The following IMMP2L variants were observed in gnomAD, a reference collection of about 807,000 sequenced individuals.
IMMP2L encodes the protein mitochondrial inner membrane protease subunit 2.
IMMP2L carries 18 observed loss-of-function variants against 19.3 expected under a neutral mutation model. The ratio of observed to expected loss-of-function variants is 0.93; its 90% CI spans 0.64 to 1.38. The LOEUF (loss-of-function observed/expected upper bound fraction) is 1.38. IMMP2L is among the 40% of genes most tolerant of loss of function. The pLI is 0.00. For missense variants in IMMP2L, 233 were observed against 218.2 expected (o/e 1.07, Z -0.43); for synonymous variants, 76 against 73.0 (o/e 1.04, Z -0.21).
chr7:111,048,268 A>G (rs1431294598), intron 3 of IMMP2L, among the ~76,000 whole-genome samples: 1 of 146,928 alleles, frequency 6.8e-6, no homozygotes, highest in African/African-American at 2.6e-5. Context: ...AAAAAAAAGA[A>G]AAAAAGAAAA....
At chr7:110,850,708 A>G (rs896839534) in intron 5 of IMMP2L, among the ~76,000 whole-genome samples, 2 of 146,132 alleles carry the variant, frequency 1.4e-5, no homozygotes, top group East Asian at 2.0e-4. Flanking sequence ...AATTCTTAGT[A>G]AAAAAAAAAA....
At chr7:110,705,682 A>G (rs1451753339) in intron 5 of IMMP2L, among the ~76,000 whole-genome samples, 2 of 152,100 alleles carry the variant, frequency 1.3e-5, no homozygotes, top group Non-Finnish European at 2.9e-5. Context: ...TGTCACCCAG[A>G]TAACACTATC....
chr7:110,905,785 G>A (rs903557588), intron 4 of IMMP2L, among the ~76,000 whole-genome samples: 9 of 152,038 alleles, frequency 5.9e-5, no homozygotes, highest in African/African-American at 2.2e-4. Context: ...ATAGTTGTCA[G>A]CTTGATTTTT....
intron 3 of IMMP2L, among the ~76,000 whole-genome samples, chr7:111,228,097 T>C (rs1342997100): frequency 6.6e-6 from 1 of 152,070 alleles, no homozygotes; most frequent in Non-Finnish European, 1.5e-5. Flanking sequence ...AACCAAGAAT[T>C]CCCTCATTAA....
At chr7:111,321,156 A>G (rs748086937) in intron 3 of IMMP2L, among the ~76,000 whole-genome samples, 1 of 152,032 alleles carries the variant, frequency 6.6e-6, no homozygotes, top group Non-Finnish European at 1.5e-5. Context: ...AGGAAAGTCA[A>G]TTGATCAAGA....
At chr7:111,461,712 G>A (rs1253764244) in intron 3 of IMMP2L, among the ~76,000 whole-genome samples, 2 of 152,152 alleles carry the variant, frequency 1.3e-5, no homozygotes, top group African/African-American at 4.8e-5. Context: ...ATGCAAACTT[G>A]ATTCCATGTA....
At chr7:111,147,525 A>G (rs1371417381) in intron 3 of IMMP2L, among the ~76,000 whole-genome samples, 1 of 152,074 alleles carries the variant, frequency 6.6e-6, no homozygotes, top group East Asian at 1.9e-4. Flanking sequence ...AGCCACATAA[A>G]AAGTGATTTA....
chr7:111,394,777 G>C (rs1832708029), intron 3 of IMMP2L: 1 of 181,088 alleles, frequency 5.5e-6, no homozygotes, highest in Non-Finnish European at 1.2e-5. Flanking sequence ...AGTTTTAAAA[G>C]ATAACTCTAA....
chr7:111,317,031 G>T (rs916672666), intron 3 of IMMP2L, among the ~76,000 whole-genome samples: 15 of 151,678 alleles, frequency 9.9e-5, no homozygotes, highest in Non-Finnish European at 1.5e-5. Context: ...TGTATTTTTA[G>T]TAGAGACGGG....
chr7:110,926,177 T>C (rs902425567), intron 4 of IMMP2L, among the ~76,000 whole-genome samples: 1 of 152,054 alleles, frequency 6.6e-6, no homozygotes, highest in Non-Finnish European at 1.5e-5. Context: ...TTTAAGTATA[T>C]AATTGTACTG....
At chr7:111,275,693 C>G (rs1033554714) in intron 3 of IMMP2L, among the ~76,000 whole-genome samples, 2 of 151,994 alleles carry the variant, frequency 1.3e-5, no homozygotes, top group African/African-American at 4.8e-5. Context: ...GAATGTTTTT[C>G]CGTTTGTTTG....
intron 1 of IMMP2L, among the ~76,000 whole-genome samples, chr7:111,530,118 A>G (rs1440128238): frequency 6.6e-6 from 1 of 152,180 alleles, no homozygotes; most frequent in Non-Finnish European, 1.5e-5. Context: ...CTCAGTTCAA[A>G]TCGTGATTCA....
At position 110,663,277 on chromosome 7, in the gene IMMP2L, A is replaced by G. The variant is rs1791202395; in HGVS notation, c.*325T>C. 1.0e-5 allele frequency: 2 copies of G among 197,302 alleles called. No individual in the cohort carries two copies. The highest frequency in any genetic ancestry group is 1.1e-4 in the Admixed American group (2 of 18,380). 12.2% of individuals were successfully genotyped at this position (197,302 alleles called of 1,614,324 possible). A position where few individuals can be genotyped will look rare whatever the true frequency, so the allele number is the denominator to read the frequency against. ...CACCAAAATCAAAACCCAACAATCA[A>G]TATAATAAGTATATGTAACAAATAA... is the stretch of plus-strand genomic sequence containing the variant. On this transcript the variant is annotated 3_prime_UTR_variant, in exon 6 of 6. Transcript: ENST00000405709.
intron 3 of IMMP2L, among the ~76,000 whole-genome samples, chr7:111,478,887 T>G (rs1345604126): frequency 2.6e-5 from 4 of 152,174 alleles, no homozygotes; most frequent in Non-Finnish European, 4.4e-5. Context: ...ATAAAAAAAT[T>G]ATAGAAACTC....
intron 5 of IMMP2L, among the ~76,000 whole-genome samples, chr7:110,690,258 T>C (rs955704420): frequency 7.2e-5 from 11 of 152,176 alleles, no homozygotes; most frequent in Admixed American, 7.2e-4. Context: ...TTCTTTTTGT[T>C]TCCTCCAGAT....
intron 3 of IMMP2L, among the ~76,000 whole-genome samples, chr7:111,030,416 G>C (rs1827288702): frequency 6.6e-6 from 1 of 152,106 alleles, no homozygotes. Flanking sequence ...AATGCCAACA[G>C]ATGATATACT....
intron 3 of IMMP2L, among the ~76,000 whole-genome samples, chr7:111,436,908 G>C (rs946886524): frequency 1.3e-5 from 2 of 151,558 alleles, no homozygotes; most frequent in African/African-American, 4.9e-5. Flanking sequence ...AGCAAGAGTG[G>C]AGAGGTGCCA....
At chr7:110,865,536 C>A (rs1807896134) in intron 5 of IMMP2L, among the ~76,000 whole-genome samples, 1 of 151,966 alleles carries the variant, frequency 6.6e-6, no homozygotes, top group Non-Finnish European at 1.5e-5. Flanking sequence ...GAACTTCCTG[C>A]TGGAAGAATC....
intron 5 of IMMP2L, among the ~76,000 whole-genome samples, chr7:110,818,313 A>G (rs1333350260): frequency 2.6e-5 from 4 of 152,222 alleles, no homozygotes; most frequent in Non-Finnish European, 5.9e-5. Flanking sequence ...GGATATGAAC[A>G]CACAATTCTC....
Sources: gnomAD v4.1 joint callset for allele counts (sites outside exome capture counted in the v4.1 genomes callset) on GRCh38, gnomAD v4.1.1 for gene constraint, MANE v1.5 for transcripts, NCBI Gene and HGNC (gene_info 2026-07-23, HGNC 2026-07-21) for gene names.